Variants in LRRTM4 observed in about 807,000 individuals in gnomAD.
The protein encoded by LRRTM4 is leucine rich repeat transmembrane neuronal 4, also known as leucine-rich repeat transmembrane neuronal protein 4.
A neutral mutation model predicts 47.6 loss-of-function variants in LRRTM4; 25 were observed. The ratio of observed to expected loss-of-function variants is 0.53; its 90% confidence interval spans 0.38 to 0.73. LRRTM4 has a LOEUF of 0.73. LRRTM4 is among the 30% of genes least tolerant of loss of function. The probability of loss-of-function intolerance (pLI) is 0.00; values close to 1 mark genes in which losing one functional copy is unlikely to be tolerated. For synonymous variants in LRRTM4, 311 were observed against 269.5 expected (o/e 1.15, Z -1.51); for missense variants, 638 against 713.4 (o/e 0.89, Z 1.20).
At chr2:77,351,297 CA>C (rs1425485412) in intron 3 of LRRTM4, among the ~76,000 whole-genome samples, 1 of 150,674 alleles carries the variant, frequency 6.6e-6, no homozygotes, top group African/African-American at 2.4e-5. Context: ...ACATAAAATT[CA>C]GAAAGAGATG....
intron 3 of LRRTM4, among the ~76,000 whole-genome samples, chr2:77,161,061 A>T (rs560606386): frequency 1.1e-4 from 16 of 152,246 alleles, no homozygotes; most frequent in African/African-American, 3.6e-4. Context: ...TAGATGACCA[A>T]CAGGGCGCCA....
chr2:77,057,299 T>G (rs903175027), intron 3 of LRRTM4, among the ~76,000 whole-genome samples: 3 of 152,132 alleles, frequency 2.0e-5, no homozygotes, highest in African/African-American at 7.2e-5. Flanking sequence ...ATAAAACATA[T>G]GCATATGTTA....
intron 3 of LRRTM4, among the ~76,000 whole-genome samples, chr2:76,936,954 CAAAAAAAAAAA>C (rs56140303): frequency 0.04 from 896 of 22,666 alleles, 13 homozygotes; most frequent in African/African-American, 0.12. Context: ...GACTCCATCT[CAAAAAAAAAAA>C]AAAAAAAAAA....
At chr2:76,956,725 T>C (rs1243414338) in intron 3 of LRRTM4, among the ~76,000 whole-genome samples, 2 of 148,912 alleles carry the variant, frequency 1.3e-5, no homozygotes, top group Non-Finnish European at 3.0e-5. Flanking sequence ...AGAGAGAAGA[T>C]TCAAAATAAA....
intron 3 of LRRTM4, among the ~76,000 whole-genome samples, chr2:77,264,539 T>C (rs180704336): frequency 2.6e-5 from 4 of 152,158 alleles, no homozygotes; most frequent in African/African-American, 7.2e-5. Context: ...CAGTCTATAA[T>C]AGAAAGTAAA....
intron 3 of LRRTM4, among the ~76,000 whole-genome samples, chr2:76,771,583 C>T (rs1012694661): frequency 1.3e-5 from 2 of 149,310 alleles, no homozygotes; most frequent in Non-Finnish European, 3.0e-5. Context: ...GGCTAAAACA[C>T]TTGCCTGAAG....
At chr2:76,857,571 A>G (rs567319485) in intron 3 of LRRTM4, among the ~76,000 whole-genome samples, 1 of 152,120 alleles carries the variant, frequency 6.6e-6, no homozygotes, top group East Asian at 1.9e-4. Context: ...TGTATTATAA[A>G]TGGATATTTG....
At chr2:77,221,775 C>T (rs1160257548) in intron 3 of LRRTM4, among the ~76,000 whole-genome samples, 1 of 152,140 alleles carries the variant, frequency 6.6e-6, no homozygotes, top group African/African-American at 2.4e-5. Context: ...TAACACCCCA[C>T]TGTCAACATT....
At chr2:77,283,749 A>G (rs935753023) in intron 3 of LRRTM4, among the ~76,000 whole-genome samples, 2 of 152,020 alleles carry the variant, frequency 1.3e-5, no homozygotes, top group Non-Finnish European at 2.9e-5. Context: ...CATGTTCTCA[A>G]TTATAAATGG....
chr2:77,108,435 ATAATT>A (rs1429878585), intron 3 of LRRTM4, among the ~76,000 whole-genome samples: 1 of 152,086 alleles, frequency 6.6e-6, no homozygotes, highest in Non-Finnish European at 1.5e-5. Context: ...GTGTTTTATA[ATAATT>A]TAAATTTTCA....
chr2:76,812,073 C>T (rs1404816179), intron 3 of LRRTM4, among the ~76,000 whole-genome samples: 1 of 152,092 alleles, frequency 6.6e-6, no homozygotes, highest in South Asian at 2.1e-4. Context: ...AACTTATACT[C>T]CTTTTGATAG....
In LRRTM4 at chr2:77,477,831, C is replaced by G. The variant is rs1573467622; in HGVS notation, c.1551+40487G>C. 5.6e-5 allele frequency among the ~76,000 whole-genome samples: 3 copies of G among 53,414 alleles called. No homozygotes were observed. The Admixed American group carries it at 7.2e-4, about 13-fold the overall frequency. The allele number at this position is 53,414 out of a possible 152,430, so 35.0% of individuals were successfully genotyped here. A position where few individuals can be genotyped will look rare whatever the true frequency, so the allele number is the denominator to read the frequency against. On this transcript the variant is annotated intron_variant, in intron 3 of 3. Coordinates refer to ENST00000409884, the MANE Select transcript of LRRTM4 (RefSeq NM_001134745.3). ...TCCAGCCTGCGCAACAAGGCTGGAGCAAAACTCCATCAAAAAAAAAAAAAA... is the reference window on the plus strand; with the variant it reads ...TCCAGCCTGCGCAACAAGGCTGGAGGAAAACTCCATCAAAAAAAAAAAAAA...
At chr2:77,338,170 C>T (rs1671233965) in intron 3 of LRRTM4, among the ~76,000 whole-genome samples, 1 of 152,036 alleles carries the variant, frequency 6.6e-6, no homozygotes, top group Non-Finnish European at 1.5e-5. Flanking sequence ...CCATTCTGGC[C>T]ATTGACCTTG....
In LRRTM4 at chr2:76,763,529, G is replaced by A. The variant is rs114159354; in HGVS notation, c.1552-14613C>T. Reference sequence around the variant, plus strand: ...AATAGCACCTTAATCTTGGACTTCCGGCTTCCAGAACTGTAAGGAGCAAAT... The same window carrying A: ...AATAGCACCTTAATCTTGGACTTCCAGCTTCCAGAACTGTAAGGAGCAAAT... On this transcript the variant is annotated intron_variant, in intron 3 of 3. Coordinates refer to ENST00000409884, the MANE Select transcript of LRRTM4 (RefSeq NM_001134745.3). 3.3e-3 allele frequency among the ~76,000 whole-genome samples: 506 copies of A among 152,254 alleles called. 3 individuals carry two copies. The highest frequency in any genetic ancestry group is 0.011 in the African/African-American group (462 of 41,548).
At chr2:77,517,380 T>G in intron 3 of LRRTM4, 2 of 982,908 alleles carry the variant, frequency 2.0e-6, no homozygotes, top group Non-Finnish European at 2.4e-6. Context: ...GTATCACTTA[T>G]TTTTTAATAA....
chr2:76,928,928 C>G (rs11883540), intron 3 of LRRTM4, among the ~76,000 whole-genome samples: 69,658 of 151,922 alleles, frequency 0.46, 17,549 homozygotes, highest in African/African-American at 0.68. Flanking sequence ...TGATTTTAAT[C>G]AACATTACAA....
Position 76,892,252 on chromosome 2 carries a change from G to A in LRRTM4, c.1552-143336C>T, listed in dbSNP as rs77414673. ...AGTTAAATTACAACTCACATGTCTCGTTGGTCAATTTCCAATGGTAAGAAG... is the reference window on the plus strand; with the variant it reads ...AGTTAAATTACAACTCACATGTCTCATTGGTCAATTTCCAATGGTAAGAAG... On this transcript the variant is annotated intron_variant, in intron 3 of 3. Coordinates refer to ENST00000409884, the MANE Select transcript of LRRTM4 (RefSeq NM_001134745.3). Among the ~76,000 whole-genome samples, 790 of 151,504 alleles carry A rather than the reference G, an allele frequency of 5.2e-3. 18 individuals are homozygous for A. In the East Asian group the frequency reaches 0.075, roughly 14 times the overall value.
intron 3 of LRRTM4, among the ~76,000 whole-genome samples, chr2:77,164,674 C>T (rs1013730354): frequency 6.6e-6 from 1 of 152,182 alleles, no homozygotes; most frequent in Admixed American, 6.5e-5. Flanking sequence ...CAAAACCGCT[C>T]AACTGCATAG....
chr2:77,284,602 C>A (rs1477190160), intron 3 of LRRTM4, among the ~76,000 whole-genome samples: 1 of 152,040 alleles, frequency 6.6e-6, no homozygotes, highest in East Asian at 1.9e-4. Context: ...CAGATGGTAT[C>A]TGATGCTGTT....
Sources: allele counts gnomAD v4.1 joint callset (sites outside exome capture counted in the v4.1 genomes callset), GRCh38; gene constraint gnomAD v4.1.1; transcripts MANE v1.5; gene names NCBI Gene and HGNC (gene_info 2026-07-23, HGNC 2026-07-21).